Variants in WDFY3 observed in about 807,000 individuals in gnomAD.
WDFY3 encodes the protein WD repeat and FYVE domain-containing protein 3.
A neutral mutation model predicts 409.6 loss-of-function variants in WDFY3; 66 were observed. The observed-to-expected ratio is 0.16, with a 90% CI of 0.13 to 0.20. The LOEUF is 0.20. Among genes scored for constraint, WDFY3 ranks in the 10% least tolerant of loss-of-function variants. The pLI is 1.00. For synonymous variants in WDFY3, 1,521 were observed against 1,537.1 expected, an observed-to-expected ratio of 0.99 and a Z score of 0.25; for missense variants, 3,031 against 4,298.1, an observed-to-expected ratio of 0.71 and a Z score of 8.24.
Position 84,765,918 on chromosome 4 carries a change from G to A in WDFY3, c.5080C>T (p.Leu1694=), listed in dbSNP as rs1436901773. 6.2e-7 allele frequency: 1 copy of A among 1,613,886 alleles called. No homozygotes were observed. The part of the protein sequence containing the change: ...VTAAMRILVV[L]LSNQSILIKF... ...ATGAGAATAGACTGATTACTTAGTA[G>A]GACAACAAGAATCCTCATGGCTGCT... is the stretch of plus-strand genomic sequence containing the variant. Residue 1694 remains leucine (L), a synonymous_variant, in exon 32 of 68, where the codon CTA becomes TTA. Coordinates refer to ENST00000295888, the MANE Select transcript of WDFY3 (RefSeq NM_014991.6).
chr4:84,872,034 C>CA (rs1762195385), intron 3 of WDFY3, among the ~76,000 whole-genome samples: 1 of 152,090 alleles, frequency 6.6e-6, no homozygotes. Flanking sequence ...TAAATGGGAG[C>CA]AATATCACAA....
chr4:84,758,660 T>C (rs955468513), intron 32 of WDFY3, among the ~76,000 whole-genome samples: 3 of 152,174 alleles, frequency 2.0e-5, no homozygotes, highest in Admixed American at 6.5e-5. Flanking sequence ...GCTTTCAAAA[T>C]ATTTTATCCT....
intron 19 of WDFY3, among the ~76,000 whole-genome samples, chr4:84,795,341 T>G (rs1749211427): frequency 6.6e-6 from 1 of 152,228 alleles, no homozygotes; most frequent in African/African-American, 2.4e-5. Flanking sequence ...CACTGATTGC[T>G]TTTGACTATT....
Position 84,724,541 on chromosome 4 carries a change from C to T in WDFY3, c.7326G>A (p.Met2442Ile). The T allele has an allele frequency of 6.2e-7, 1 of 1,614,070 alleles. No individual in the cohort carries two copies. The highest frequency in any genetic ancestry group is 8.5e-7 in the Non-Finnish European group (1 of 1,179,980). The change falls in exon 46 of 68, where the codon ATG becomes ATA. Residue 2442 changes from methionine (M) to isoleucine (I), a missense_variant. Coordinates refer to ENST00000295888, the MANE Select transcript of WDFY3 (RefSeq NM_014991.6). Reference sequence around the variant, plus strand: ...TGGCGGGATTGCCAGAGGCCAGTCGCATGTAGTACTCTTTACTGTCATAAC... The same window carrying T: ...TGGCGGGATTGCCAGAGGCCAGTCGTATGTAGTACTCTTTACTGTCATAAC... ...AVSYDSKEYY[M>I]RLASGNPAIV...
chr4:84,795,745 G>A (rs1749312594), intron 19 of WDFY3, among the ~76,000 whole-genome samples: 1 of 151,814 alleles, frequency 6.6e-6, no homozygotes. Context: ...CTGGGTGACA[G>A]GGCAAGACTC....
At chr4:84,744,062 ATATT>A (rs1738912044) in intron 36 of WDFY3, among the ~76,000 whole-genome samples, 2 of 148,220 alleles carry the variant, frequency 1.3e-5, no homozygotes, top group Admixed American at 1.3e-4. Flanking sequence ...TCTAAACATT[ATATT>A]TATTATATTG....
chr4:84,731,622 T>C (rs975098431), intron 44 of WDFY3, among the ~76,000 whole-genome samples: 2 of 152,236 alleles, frequency 1.3e-5, no homozygotes, highest in Admixed American at 6.5e-5. Flanking sequence ...TATGAGCGTG[T>C]CTGTTTCGAT....
chr4:84,867,143 G>C (rs545639090), intron 3 of WDFY3, among the ~76,000 whole-genome samples: 1 of 152,186 alleles, frequency 6.6e-6, no homozygotes, highest in African/African-American at 2.4e-5. Context: ...AAGCACACTA[G>C]TTACATTCAA....
At chr4:84,684,512 A>C (rs1480003017) in intron 62 of WDFY3, among the ~76,000 whole-genome samples, 1 of 152,216 alleles carries the variant, frequency 6.6e-6, no homozygotes, top group Admixed American at 6.5e-5. Context: ...TAGAGGCAGG[A>C]ATCCACCTCC....
chr4:84,732,748 C>T (rs1052880439), intron 44 of WDFY3, among the ~76,000 whole-genome samples: 2 of 152,208 alleles, frequency 1.3e-5, no homozygotes, highest in South Asian at 4.1e-4. Context: ...ATTATGTATA[C>T]ACAGCATATT....
At chr4:84,772,958 A>C in intron 29 of WDFY3, 29 bp from the exon 30 acceptor site, 7 of 1,537,994 alleles carry the variant, frequency 4.6e-6, no homozygotes, top group Non-Finnish European at 6.1e-6. Flanking sequence ...AAGATTATGG[A>C]TTTTCTTTTT....
intron 21 of WDFY3, among the ~76,000 whole-genome samples, chr4:84,791,856 A>G (rs1748594578): frequency 6.6e-6 from 1 of 152,172 alleles, no homozygotes; most frequent in Admixed American, 6.5e-5. Context: ...TTGCTACCCT[A>G]TATGTTACCA....
At chr4:84,697,920 T>C (rs148018119) in intron 56 of WDFY3, among the ~76,000 whole-genome samples, 18 of 152,342 alleles carry the variant, frequency 1.2e-4, no homozygotes, top group Admixed American at 1.0e-3. Context: ...ATTTACAATG[T>C]GATATCGAGT....
chr4:84,704,235 C>A, intron 55 of WDFY3, 103 bp downstream of exon 55: 1 of 847,216 alleles, frequency 1.2e-6, no homozygotes, highest in Non-Finnish European at 1.7e-6. Context: ...ACTAAAATTT[C>A]GCAGAGCTTC....
chr4:84,959,528 A>G (rs1774657408), intron 1 of WDFY3, among the ~76,000 whole-genome samples: 1 of 152,226 alleles, frequency 6.6e-6, no homozygotes, highest in Non-Finnish European at 1.5e-5. Context: ...AGATAAAAAC[A>G]ACTGGACCTG....
At chr4:84,874,164 A>G (rs1762476322) in intron 3 of WDFY3, among the ~76,000 whole-genome samples, 1 of 151,870 alleles carries the variant, frequency 6.6e-6, no homozygotes, top group African/African-American at 2.4e-5. Context: ...CTGTAATCCC[A>G]GCACTTTGTG....
At chr4:84,743,541 A>T (rs1738822397) in intron 37 of WDFY3, among the ~76,000 whole-genome samples, 159 bp downstream of exon 37, 1 of 152,218 alleles carries the variant, frequency 6.6e-6, no homozygotes, top group Admixed American at 6.5e-5. Context: ...TACTCCTGCT[A>T]CATGCAACAA....
intron 3 of WDFY3, among the ~76,000 whole-genome samples, chr4:84,892,798 GA>G (rs1187844749): frequency 6.6e-6 from 1 of 152,156 alleles, no homozygotes; most frequent in Non-Finnish European, 1.5e-5. Flanking sequence ...AATAAACAAA[GA>G]AATCAATTAT....
At chr4:84,831,349 C>T (rs751395892) in intron 8 of WDFY3, 64 bp downstream of exon 8, 1,176 of 1,158,584 alleles carry the variant, frequency 1.0e-3, no homozygotes, top group Non-Finnish European at 1.3e-3. Flanking sequence ...AAAAATAAAT[C>T]TATTATTAAA....
Sources: gnomAD v4.1 joint callset for allele counts (sites outside exome capture counted in the v4.1 genomes callset) on GRCh38, gnomAD v4.1.1 for gene constraint, MANE v1.5 for transcripts, NCBI Gene and HGNC (gene_info 2026-07-23, HGNC 2026-07-21) for gene names.